Variants in ATP12A observed in about 807,000 individuals in gnomAD.
ATP12A encodes potassium-transporting ATPase alpha chain 2.
Under a neutral mutation model 111.2 loss-of-function variants are expected in ATP12A, and 81 were observed. The ratio of observed to expected loss-of-function variants is 0.73; its 90% CI spans 0.61 to 0.88. The LOEUF (loss-of-function observed/expected upper bound fraction) is 0.88. ATP12A is among the 40% of genes least tolerant of loss of function. The probability of loss-of-function intolerance (pLI) is 0.00; values close to 1 mark genes in which losing one functional copy is unlikely to be tolerated. For missense variants in ATP12A, 1,196 were observed against 1,313.1 expected (o/e 0.91, Z 1.38); for synonymous variants, 498 against 499.8 (o/e 1.00, Z 0.05).
intron 11 of ATP12A, among the ~76,000 whole-genome samples, chr13:24,698,292 C>T (rs12860338): frequency 0.075 from 11,436 of 152,092 alleles, 598 homozygotes; most frequent in Middle Eastern, 0.12. Context: ...GTCTGAAAGA[C>T]GGCTGCTCCC....
At position 24,689,267 on chromosome 13, in the gene ATP12A, C is replaced by G; in HGVS notation, c.438C>G (p.Tyr146Ter). 3 of 1,614,014 alleles carry G rather than the reference C, an allele frequency of 1.9e-6. No homozygotes were observed. The highest frequency in any genetic ancestry group is 2.5e-6 in the Non-Finnish European group (3 of 1,179,916). ...SDKSASLNNVYLGCVLGLVVI... is the reference protein window; with the variant it reads ...SDKSASLNNV ...ACGCCCTCCTTCTCACCCAGGTGTA[C>G]TTGGGCTGTGTGCTTGGTCTGGTGG... The change falls in exon 5 of 23, where the codon TAC becomes TAG. Residue 146 changes from tyrosine to a stop codon, truncating the protein, a stop_gained. Transcript: ENST00000381946. LOFTEE classifies it high-confidence loss of function.
At chr13:24,682,256 C>T (rs1160265325) in intron 2 of ATP12A, among the ~76,000 whole-genome samples, 18 of 76,358 alleles carry the variant, frequency 2.4e-4, no homozygotes, top group Non-Finnish European at 2.3e-4. Context: ...GTGTGTGTAG[C>T]GTGTGGTGTG....
chr13:24,690,263 C>T (rs735769), intron 5 of ATP12A, 75 bp from the exon 6 acceptor site: 45,384 of 1,573,466 alleles, frequency 0.029, 842 homozygotes, highest in Admixed American at 0.083. Flanking sequence ...TCCTGGGGTT[C>T]GGTGCGGCAC....
intron 3 of ATP12A, among the ~76,000 whole-genome samples, chr13:24,686,905 G>T (rs1874694739): frequency 6.6e-6 from 1 of 152,180 alleles, no homozygotes. Flanking sequence ...ATGGGCTGGG[G>T]TGGGGGCAGG....
intron 10 of ATP12A, among the ~76,000 whole-genome samples, chr13:24,694,023 G>A (rs1470956032): frequency 1.3e-5 from 2 of 152,106 alleles, no homozygotes; most frequent in East Asian, 3.9e-4. Flanking sequence ...CTCAAGTCTA[G>A]ACCTCAGGCT....
chr13:24,681,633 C>A lies in ATP12A; in HGVS notation c.81C>A (p.Gly27=). 6.2e-7 allele frequency: 1 copy of A among 1,614,162 alleles called. No individual in the cohort carries two copies. Among genetic ancestry groups the A allele is most frequent in the Non-Finnish European group, 8.5e-7 (1 of 1,180,034 alleles). The change falls in exon 2 of 23, where the codon GGC becomes GGA. Residue 27 remains glycine (G), a synonymous_variant. Coordinates refer to ENST00000381946, the MANE Select transcript of ATP12A (RefSeq NM_001676.7). The part of the protein sequence containing the change: ...KDIVKTDKGD[G]KEKYRGLKNN... The stretch of plus-strand genomic sequence containing the variant: ...TCGTGAAAACAGACAAGGGGGATGG[C>A]AAGGAGAAGTATAGGGGTCTGAAGA...
intron 12 of ATP12A, 135 bp downstream of exon 12, chr13:24,698,985 T>G (rs1367650201): frequency 2.6e-6 from 3 of 1,153,682 alleles, no homozygotes; most frequent in Non-Finnish European, 3.6e-6. Context: ...ATAAGCAGGA[T>G]GGGAACAAGG....
chr13:24,682,242 T>TC (rs1458874675), intron 2 of ATP12A, among the ~76,000 whole-genome samples: 1 of 142,914 alleles, frequency 7.0e-6, no homozygotes, highest in East Asian at 2.1e-4. Context: ...ATGGTATGTG[T>TC]GGTGTGTGTG....
Position 24,690,670 on chromosome 13 carries a change from A to G in ATP12A, c.748A>G (p.Asn250Asp). 1 of 1,613,886 alleles carries G rather than the reference A, an allele frequency of 6.2e-7. No individual in the cohort carries two copies. Among genetic ancestry groups the G allele is most frequent in the Non-Finnish European group, 8.5e-7 (1 of 1,179,970 alleles). Reference protein sequence around the residue: ...QPRSSEFTHENPLETKNICFY... With the variant: ...QPRSSEFTHEDPLETKNICFY... ...CCGCTCCTCTGAGTTTACCCATGAA[A>G]ACCCCCTGGAAACAAAGAACATCTG... The change falls in exon 7 of 23, where the codon AAC (asparagine) becomes GAC (aspartate). Residue 250 changes from asparagine to aspartate, a missense_variant. Physicochemically the swap from Asn to Asp is conservative, Grantham distance 23. Around this residue, in one of 3 missense-constraint regions of ATP12A, gnomAD observed 1,126 missense variants for 1,228.5 expected, o/e 0.92. Coordinates refer to ENST00000381946, the MANE Select transcript of ATP12A (RefSeq NM_001676.7).
At position 24,707,373 on chromosome 13, in the gene ATP12A, C is replaced by T. The variant is rs147264732; in HGVS notation, c.2433C>T (p.Val811=). The T allele has an allele frequency of 2.5e-5, 41 of 1,614,106 alleles. No individual in the cohort carries two copies. The highest frequency in any genetic ancestry group is 1.2e-4 in the Admixed American group (7 of 60,004). The part of the protein sequence containing the change: ...ELCPFLIYII[V]GLPLPIGTIT... ...GCCCCTTTCTGATCTACATCATTGT[C>T]GGGCTCCCCCTGCCCATTGGCACCA... The change falls in exon 17 of 23, where the codon GTC becomes GTT. Residue 811 remains valine, a synonymous_variant. Coordinates refer to ENST00000381946, the MANE Select transcript of ATP12A (RefSeq NM_001676.7).
Position 24,710,576 on chromosome 13 carries a change from C to G in ATP12A, c.2880C>G (p.Phe960Leu). The G allele has an allele frequency of 6.2e-7, 1 of 1,614,180 alleles. No individual in the cohort carries two copies. Among genetic ancestry groups the G allele is most frequent in the Non-Finnish European group, 8.5e-7 (1 of 1,180,034 alleles). ...IIRKTRRNSI[F>L]QQGLFRNKVI... ...GGAAAACCCGGAGGAATTCCATCTT[C>G]CAGCAGGGTCTCTTCAGGTACTGCC... Residue 960 changes from phenylalanine (F) to leucine (L), a missense_variant, in exon 20 of 23, where the codon TTC (phenylalanine) becomes TTG (leucine). Physicochemically the swap from Phe to Leu is conservative, Grantham distance 22. Coordinates refer to ENST00000381946, the MANE Select transcript of ATP12A (RefSeq NM_001676.7).
chr13:24,709,849 T>C (rs766255482), intron 19 of ATP12A, 21 bp downstream of exon 19: 3 of 1,612,824 alleles, frequency 1.9e-6, no homozygotes, highest in Non-Finnish European at 1.7e-6. Flanking sequence ...GGAGCCCTGC[T>C]GCAGAGTCCA....
At position 24,685,262 on chromosome 13, in the gene ATP12A, G is replaced by C; in HGVS notation, c.169-52G>C. ...CATGGCTGGTCAAAGCTTGGGGCTT[G>C]AGTCTTTTGGAATTATCTAATTCAC... On this transcript the variant is annotated intron_variant, in intron 2 of 22. Transcript: ENST00000381946. This position sits in a 1 kb window ranked among gnomAD's most constrained non-coding sequence, Gnocchi z 5.5. 1.9e-6 allele frequency: 3 copies of C among 1,566,458 alleles called. No individual in the cohort carries two copies. The Admixed American group carries it at 5.0e-5, about 26-fold the overall frequency.
In ATP12A at chr13:24,700,886, A is replaced by G; in HGVS notation, c.1845A>G (p.Pro615=). 1 of 1,614,232 alleles carries G rather than the reference A, an allele frequency of 6.2e-7. No individual in the cohort carries two copies. The highest frequency in any genetic ancestry group is 8.5e-7 in the Non-Finnish European group (1 of 1,180,044). ...SMIDPPRSTV[P]DAVTKCRSAG... ...TCGATCCCCCTCGGTCCACCGTGCC[A>G]GATGCAGTCACCAAATGCCGGAGTG... is the stretch of plus-strand genomic sequence containing the variant. The change falls in exon 13 of 23, where the codon CCA becomes CCG. Residue 615 remains proline, a synonymous_variant. Coordinates refer to ENST00000381946, the MANE Select transcript of ATP12A (RefSeq NM_001676.7).
rs535175451 is a variant in ATP12A at position 24,711,685 on chromosome 13, G to A, written c.*163G>A. Reference sequence around the variant, plus strand: ...TATGCAGGATGCTCACTGATGTTTTGCACTTTAAAACTGAAATTCAACTCT... The same window carrying A: ...TATGCAGGATGCTCACTGATGTTTTACACTTTAAAACTGAAATTCAACTCT... On this transcript the variant is annotated 3_prime_UTR_variant, in exon 23 of 23. Transcript: ENST00000381946. 188 of 920,968 alleles carry A rather than the reference G, an allele frequency of 2.0e-4. No individual in the cohort carries two copies. The African/African-American group carries it at 2.9e-3, about 14-fold the overall frequency. The allele number at this position is 920,968 out of a possible 1,614,324, so 57.0% of individuals were successfully genotyped here.
At position 24,710,866 on chromosome 13, in the gene ATP12A, T is replaced by A; in HGVS notation, c.2972T>A (p.Val991Asp). 2 of 1,614,208 alleles carry A rather than the reference T, an allele frequency of 1.2e-6. No homozygotes were observed. The highest frequency in any genetic ancestry group is 1.7e-6 in the Non-Finnish European group (2 of 1,180,036). Reference sequence around the variant, plus strand: ...ATCCTCTCCTATGGCCTCGGAAGTGTCACAGCCTTGAGTTTCACCATGCTT... The same window carrying A: ...ATCCTCTCCTATGGCCTCGGAAGTGACACAGCCTTGAGTTTCACCATGCTT... ...GLILSYGLGS[V>D]TALSFTMLRA... is the part of the protein sequence containing the mutation. The change falls in exon 21 of 23, where the codon GTC becomes GAC. Residue 991 changes from valine to aspartate, a missense_variant. Val to Asp is a radical substitution (Grantham distance 152, BLOSUM62 -3). Around this residue, in one of 3 missense-constraint regions of ATP12A, gnomAD observed 1,126 missense variants for 1,228.5 expected, o/e 0.92. Transcript: ENST00000381946.
At chr13:24,681,401 G>A (rs1294005067) in intron 1 of ATP12A, among the ~76,000 whole-genome samples, 161 bp from the exon 2 acceptor site, 1 of 152,130 alleles carries the variant, frequency 6.6e-6, no homozygotes, top group Non-Finnish European at 1.5e-5. Flanking sequence ...GGAGGTGGGG[G>A]AGAGACTCCA....
Position 24,681,595 on chromosome 13 carries a change from G to C in ATP12A, c.43G>C (p.Gly15Arg). ...AGAAATTTACTCCGTGGAGCTCAGCGGAACTAAGGACATCGTGAAAACAGA... is the reference window on the plus strand; with the variant it reads ...AGAAATTTACTCCGTGGAGCTCAGCCGAACTAAGGACATCGTGAAAACAGA... The part of the protein sequence containing the change: ...TPEIYSVELS[G>R]TKDIVKTDKG... The change falls in exon 2 of 23, where the codon GGA becomes CGA. Residue 15 changes from glycine to arginine, a missense_variant. Around this residue, in one of 3 missense-constraint regions of ATP12A, gnomAD observed 67 missense variants for 64.0 expected, o/e 1.05. Coordinates refer to ENST00000381946, the MANE Select transcript of ATP12A (RefSeq NM_001676.7). The C allele has an allele frequency of 6.2e-7, 1 of 1,614,108 alleles. No homozygotes were observed. Among genetic ancestry groups the C allele is most frequent in the Non-Finnish European group, 8.5e-7 (1 of 1,180,028 alleles).
intron 17 of ATP12A, among the ~76,000 whole-genome samples, chr13:24,708,925 GA>G (rs1566078249): frequency 7.5e-6 from 1 of 133,700 alleles, no homozygotes; most frequent in East Asian, 2.1e-4. Context: ...AAGAAAGAAA[GA>G]AAGAAAGAAA....
Sources: gnomAD v4.1 joint callset for allele counts (sites outside exome capture counted in the v4.1 genomes callset) on GRCh38, gnomAD v4.1.1 for gene constraint, gnomAD v4.1.1 regional missense constraint, Gnocchi (gnomAD v3.1) non-coding constraint, MANE v1.5 for transcripts, NCBI Gene and HGNC (gene_info 2026-07-23, HGNC 2026-07-21) for gene names.